The following OTUD7A variants were observed in gnomAD, a reference collection of about 807,000 sequenced individuals.
The protein encoded by OTUD7A is OTU deubiquitinase 7A.
In OTUD7A, 12 loss-of-function variants were observed where a neutral mutation model predicts 65.7. The ratio of observed to expected loss-of-function variants is 0.18; its 90% CI spans 0.12 to 0.30. OTUD7A has a LOEUF of 0.30. Among genes scored for constraint, OTUD7A ranks in the 10% least tolerant of loss-of-function variants. The probability of loss-of-function intolerance (pLI) is 1.00; values close to 1 mark genes in which losing one functional copy is unlikely to be tolerated. For synonymous variants in OTUD7A, 641 were observed against 586.3 expected, an observed-to-expected ratio of 1.09 and a Z score of -1.35; for missense variants, 1,148 against 1,304.8, an observed-to-expected ratio of 0.88 and a Z score of 1.85.
intron 4 of OTUD7A, among the ~76,000 whole-genome samples, chr15:31,563,101 C>T (rs1475071976): frequency 6.6e-6 from 1 of 151,994 alleles, no homozygotes; most frequent in Admixed American, 6.6e-5. Flanking sequence ...AGTCAGATCA[C>T]AGTATGTAAC....
intron 1 of OTUD7A, among the ~76,000 whole-genome samples, chr15:31,721,904 T>C (rs1397947098): frequency 1.2e-4 from 19 of 152,256 alleles, no homozygotes; most frequent in Admixed American, 1.2e-3. Flanking sequence ...ATCTTTTTAC[T>C]GAATTCCCGA....
At chr15:31,802,907 T>G (rs1896173384) in intron 1 of OTUD7A, among the ~76,000 whole-genome samples, 1 of 152,016 alleles carries the variant, frequency 6.6e-6, no homozygotes, top group Admixed American at 6.5e-5. Context: ...ACTGCTGAGG[T>G]TTGTCAGGCT....
At chr15:31,693,114 G>C (rs553686386) in intron 1 of OTUD7A, among the ~76,000 whole-genome samples, 1 of 152,308 alleles carries the variant, frequency 6.6e-6, no homozygotes, top group Admixed American at 6.5e-5. Context: ...TCTGCCTCAG[G>C]CCTGCTGGTA....
chr15:31,664,032 C>A (rs1332524191), intron 1 of OTUD7A, among the ~76,000 whole-genome samples: 2 of 152,162 alleles, frequency 1.3e-5, no homozygotes, highest in Non-Finnish European at 2.9e-5. Context: ...ACTAGTATTC[C>A]ATTGTATAAA....
chr15:31,637,956 G>A (rs893392953), intron 3 of OTUD7A, among the ~76,000 whole-genome samples: 29 of 152,196 alleles, frequency 1.9e-4, no homozygotes, highest in African/African-American at 6.8e-4. Flanking sequence ...CTGCTGAAAT[G>A]ACAAAAAGGA....
At chr15:31,683,388 T>C (rs1357326700) in intron 1 of OTUD7A, among the ~76,000 whole-genome samples, 3 of 152,214 alleles carry the variant, frequency 2.0e-5, no homozygotes, top group East Asian at 3.8e-4. Flanking sequence ...AATCTAGTAA[T>C]TGTTTTCTTC....
At chr15:31,727,707 T>C (rs1893931133) in intron 1 of OTUD7A, among the ~76,000 whole-genome samples, 1 of 152,222 alleles carries the variant, frequency 6.6e-6, no homozygotes, top group South Asian at 2.1e-4. Context: ...TTACCAATAC[T>C]GTGGGTGTTT....
At chr15:31,667,677 T>C (rs1892358020) in intron 1 of OTUD7A, among the ~76,000 whole-genome samples, 1 of 152,232 alleles carries the variant, frequency 6.6e-6, no homozygotes, top group East Asian at 1.9e-4. Flanking sequence ...GTGCTATTTG[T>C]TGCCTGTGTA....
chr15:31,608,163 C>T (rs1890290691), intron 3 of OTUD7A, among the ~76,000 whole-genome samples: 2 of 152,136 alleles, frequency 1.3e-5, no homozygotes, highest in South Asian at 4.1e-4. Flanking sequence ...AGGAGAATCG[C>T]TTGAACCCGG....
chr15:31,495,525 C>T (rs898815039), intron 10 of OTUD7A, among the ~76,000 whole-genome samples: 1 of 152,162 alleles, frequency 6.6e-6, no homozygotes, highest in Non-Finnish European at 1.5e-5. Flanking sequence ...CGGCCTCTCA[C>T]CCCTTAGCCA....
intron 1 of OTUD7A, among the ~76,000 whole-genome samples, chr15:31,786,090 T>G (rs1175075389): frequency 6.6e-6 from 1 of 151,998 alleles, no homozygotes; most frequent in Non-Finnish European, 1.5e-5. Context: ...CGCTCAGCCC[T>G]CTCGCCATAT....
intron 1 of OTUD7A, among the ~76,000 whole-genome samples, chr15:31,681,153 T>C (rs1892705113): frequency 6.6e-6 from 1 of 151,596 alleles, no homozygotes; most frequent in Non-Finnish European, 1.5e-5. Context: ...TATCTATCTT[T>C]CTTATTAATT....
At chr15:31,637,619 C>T (rs1162368702) in intron 3 of OTUD7A, among the ~76,000 whole-genome samples, 4 of 152,152 alleles carry the variant, frequency 2.6e-5, no homozygotes, top group Admixed American at 6.5e-5. Flanking sequence ...TAGATCTGGG[C>T]AAAGTACATT....
At chr15:31,704,375 C>T (rs1893279646) in intron 1 of OTUD7A, among the ~76,000 whole-genome samples, 1 of 102,816 alleles carries the variant, frequency 9.7e-6, no homozygotes, top group Admixed American at 1.3e-4. Flanking sequence ...CAGGGCACTA[C>T]TGTCACTGAA....
intron 3 of OTUD7A, among the ~76,000 whole-genome samples, chr15:31,615,500 T>C (rs1042017456): frequency 3.3e-5 from 5 of 152,152 alleles, no homozygotes; most frequent in African/African-American, 1.2e-4. Flanking sequence ...TCCACGATCA[T>C]AGTTGGAGGT....
In OTUD7A at chr15:31,484,548, G is replaced by A. The variant is rs146885561; in HGVS notation, c.1548C>T (p.Arg516=). The part of the protein sequence containing the change: ...EKQRKEKDKT[R]ADSVANKLGS... ...CCAGCTTGTTGGCCACGGAGTCGGC[G>A]CGCGTCTTGTCCTTCTCCTTGCGCT... The change falls in exon 13 of 13, where the codon CGC becomes CGT. Residue 516 remains arginine, a synonymous_variant. Coordinates refer to ENST00000307050, the MANE Select transcript of OTUD7A (RefSeq NM_001382637.1). This position sits in a 1 kb window ranked among gnomAD's most constrained non-coding sequence, Gnocchi z 4.5. The A allele has an allele frequency of 8.1e-6, 13 of 1,611,390 alleles. No homozygotes were observed. The highest frequency in any genetic ancestry group is 3.3e-5 in the Admixed American group (2 of 59,992).
intron 5 of OTUD7A, among the ~76,000 whole-genome samples, chr15:31,554,861 G>A (rs371383638): frequency 6.6e-6 from 1 of 152,318 alleles, no homozygotes. Flanking sequence ...ATTAAAGAAC[G>A]AAAGGTGTTT....
intron 3 of OTUD7A, among the ~76,000 whole-genome samples, chr15:31,618,605 T>C (rs1329570316): frequency 6.6e-5 from 10 of 152,222 alleles, no homozygotes; most frequent in Non-Finnish European, 1.2e-4. Flanking sequence ...TCATATCCTT[T>C]GCCCACTTGT....
chr15:31,587,779 G>C (rs992325307), intron 3 of OTUD7A, among the ~76,000 whole-genome samples: 4 of 152,124 alleles, frequency 2.6e-5, no homozygotes, highest in African/African-American at 7.2e-5. Flanking sequence ...CGGGCACCAA[G>C]TGACTTCGCC....
Sources: allele counts gnomAD v4.1 joint callset (sites outside exome capture counted in the v4.1 genomes callset), GRCh38; gene constraint gnomAD v4.1.1; non-coding constraint Gnocchi (gnomAD v3.1); transcripts MANE v1.5; gene names NCBI Gene and HGNC (gene_info 2026-07-23, HGNC 2026-07-21).